The following KCNC4 variants were observed in gnomAD, a reference collection of about 807,000 sequenced individuals.
The protein encoded by KCNC4 is voltage-gated potassium channel KCNC4.
KCNC4 carries 23 observed loss-of-function variants against 42.8 expected under a neutral mutation model. The ratio of observed to expected loss-of-function variants is 0.54; its 90% confidence interval spans 0.39 to 0.76. The LOEUF (loss-of-function observed/expected upper bound fraction) is 0.76. KCNC4 is among the 30% of genes least tolerant of loss of function. KCNC4 has a pLI of 0.00. For missense variants in KCNC4, 751 were observed against 898.2 expected (o/e 0.84, Z 2.10); for synonymous variants, 422 against 393.5 (o/e 1.07, Z -0.86).
downstream of KCNC4, among the ~76,000 whole-genome samples, chr1:110,252,583 G>A (rs1213789842): frequency 6.6e-6 from 1 of 152,156 alleles, no homozygotes; most frequent in Non-Finnish European, 1.5e-5. Flanking sequence ...TGGCTCAGCT[G>A]AAACCCTGCC....
intron 1 of KCNC4, among the ~76,000 whole-genome samples, chr1:110,218,362 A>G (rs1205648769): frequency 6.6e-6 from 1 of 150,532 alleles, no homozygotes; most frequent in Non-Finnish European, 1.5e-5. Flanking sequence ...TCTGCCTCGA[A>G]CTCTCCGGTT....
At chr1:110,266,439 C>A (rs901098689) in intron 1 of KCNC4, among the ~76,000 whole-genome samples, 3 of 152,150 alleles carry the variant, frequency 2.0e-5, no homozygotes, top group African/African-American at 7.2e-5. Flanking sequence ...TTTTGGAAGA[C>A]CCTTTGGAAA....
At chr1:110,283,128 T>A (rs1659859221), downstream of KCNC4, 1 of 151,704 alleles carries the variant, frequency 6.6e-6, no homozygotes, top group Admixed American at 6.6e-5. Flanking sequence ...TTTCAAGGAG[T>A]GTCCTGGTTC....
At chr1:110,276,614 A>T (rs760846784) in intron 1 of KCNC4, among the ~76,000 whole-genome samples, 3 of 152,142 alleles carry the variant, frequency 2.0e-5, no homozygotes, top group African/African-American at 7.2e-5. Flanking sequence ...CCTCAGGACC[A>T]TCCAGTCCAG....
chr1:110,282,456 T>TC (rs1659844218), intron 1 of KCNC4: 1 of 152,262 alleles, frequency 6.6e-6, no homozygotes, highest in African/African-American at 2.4e-5. Context: ...TTTCTGTTTT[T>TC]CCTCTACCTT....
intron 3 of KCNC4, chr1:110,228,648 C>T (rs918799215): frequency 2.6e-5 from 4 of 152,750 alleles, no homozygotes; most frequent in African/African-American, 4.8e-5. Context: ...AGTTCCTGCT[C>T]ACCCCCTTCC....
chr1:110,267,059 T>A (rs946210574), intron 1 of KCNC4, among the ~76,000 whole-genome samples: 8 of 152,208 alleles, frequency 5.3e-5, no homozygotes, highest in Non-Finnish European at 8.8e-5. Flanking sequence ...CACGCCTCTG[T>A]GGGCAGAACC....
At chr1:110,240,924 C>A (rs2101054878) in exon 4 of KCNC4, 2 of 153,006 alleles carry the variant, frequency 1.3e-5, no homozygotes, top group Middle Eastern at 6.5e-3. Flanking sequence ...CAGCATCCCG[C>A]TGTCTGCCCC....
downstream of KCNC4, chr1:110,237,309 A>G (rs1416164583): frequency 6.6e-6 from 1 of 152,164 alleles, no homozygotes; most frequent in Non-Finnish European, 1.5e-5. Context: ...GTCTCAAACA[A>G]ACATTTATTT....
At chr1:110,258,834 A>G (rs1659378810) in intron 1 of KCNC4, among the ~76,000 whole-genome samples, 1 of 152,116 alleles carries the variant, frequency 6.6e-6, no homozygotes, top group Non-Finnish European at 1.5e-5. Flanking sequence ...GATGAGAATC[A>G]CAGCTTCATG....
chr1:110,277,222 C>T (rs1318142495), intron 1 of KCNC4, among the ~76,000 whole-genome samples: 1 of 152,200 alleles, frequency 6.6e-6, no homozygotes, highest in Non-Finnish European at 1.5e-5. Context: ...TTTGAAATCA[C>T]TTGCTTTTTA....
chr1:110,268,737 T>A (rs1659590365), intron 1 of KCNC4, among the ~76,000 whole-genome samples: 1 of 148,828 alleles, frequency 6.7e-6, no homozygotes, highest in Non-Finnish European at 1.5e-5. Flanking sequence ...TTTATTTTTT[T>A]TTTTTTTTGA....
At chr1:110,277,903 G>C (rs1659752545) in intron 1 of KCNC4, among the ~76,000 whole-genome samples, 1 of 152,194 alleles carries the variant, frequency 6.6e-6, no homozygotes. Context: ...TGTAATCCCA[G>C]CACCTTGGGA....
chr1:110,267,348 G>A (rs937031351), intron 1 of KCNC4, among the ~76,000 whole-genome samples: 1 of 152,138 alleles, frequency 6.6e-6, no homozygotes, highest in Non-Finnish European at 1.5e-5. Flanking sequence ...AATAGACTCT[G>A]AGGCTCTAAG....
At chr1:110,261,771 T>C (rs1224950263) in intron 1 of KCNC4, among the ~76,000 whole-genome samples, 2 of 152,248 alleles carry the variant, frequency 1.3e-5, no homozygotes, top group Non-Finnish European at 2.9e-5. Context: ...AGAATTCTTA[T>C]AACACTTTGA....
chr1:110,254,102 G>GT (rs1459727491), downstream of KCNC4, among the ~76,000 whole-genome samples: 4 of 61,776 alleles, frequency 6.5e-5, no homozygotes. Context: ...GGGGGGGGGC[G>GT]GCGTTTCTGT....
chr1:110,211,751 C>T lies in KCNC4; in HGVS notation c.252C>T (p.Ser84=). 6.2e-7 allele frequency: 1 copy of T among 1,608,574 alleles called. No individual in the cohort carries two copies. Among genetic ancestry groups the T allele is most frequent in the Non-Finnish European group, 8.5e-7 (1 of 1,178,546 alleles). Residue 84 remains serine (S), a synonymous_variant, in exon 1 of 4, where the codon AGC becomes AGT. Transcript: ENST00000438661. The surrounding 1 kb of genome is among the most constrained non-coding windows in gnomAD (Gnocchi z 6.5). ...CCGATGGCGGCGGTGTGGGTAGCAGCGGCAGCAGCGGCGGCGGGGGCTGCG... is the reference window on the plus strand; with the variant it reads ...CCGATGGCGGCGGTGTGGGTAGCAGTGGCAGCAGCGGCGGCGGGGGCTGCG... ...PETDGGGVGS[S]GSSGGGGCEF...
chr1:110,259,170 TC>T (rs1474673534), intron 1 of KCNC4, among the ~76,000 whole-genome samples: 21 of 152,178 alleles, frequency 1.4e-4, no homozygotes, highest in Non-Finnish European at 3.1e-4. Flanking sequence ...GGCCCAGGCA[TC>T]CTGACCCCTA....
In KCNC4 at chr1:110,226,058, A is replaced by AC; in HGVS notation, c.1704dup (p.Glu569ArgfsTer35). On this transcript the variant is annotated frameshift_variant, in exon 3 of 4. Coordinates refer to ENST00000438661, the MANE Select transcript of KCNC4 (RefSeq NM_001039574.3). LOFTEE classifies it high-confidence loss of function. ...CACCCAACCCCTGGCCTCCTCCCCG[A>AC]CCCCCGAGGAGCGCCGGGCCCTGCG... The AC allele has an allele frequency of 6.2e-7, 1 of 1,613,440 alleles. No individual in the cohort carries two copies. Among genetic ancestry groups the AC allele is most frequent in the Non-Finnish European group, 8.5e-7 (1 of 1,179,776 alleles).
Sources: gnomAD v4.1 joint callset for allele counts (sites outside exome capture counted in the v4.1 genomes callset) on GRCh38, gnomAD v4.1.1 for gene constraint, Gnocchi (gnomAD v3.1) non-coding constraint, MANE v1.5 for transcripts, NCBI Gene and HGNC (gene_info 2026-07-23, HGNC 2026-07-21) for gene names.